Variants in DUSP22 observed in about 807,000 individuals in gnomAD.
DUSP22 encodes dual specificity protein phosphatase 22.
In DUSP22, 24 loss-of-function variants were observed where a neutral mutation model predicts 24.5. That is an observed-to-expected ratio of 0.98 (90% CI 0.71 to 1.38). The LOEUF (loss-of-function observed/expected upper bound fraction) is 1.38, where lower values mean the gene tolerates loss of function less well. Ranked by LOEUF, DUSP22 falls within the 40% of genes most tolerant of loss-of-function variation. DUSP22 has a pLI of 0.00. For missense variants in DUSP22, 330 were observed against 269.2 expected (o/e 1.23, Z -1.58); for synonymous variants, 160 against 106.4 (o/e 1.50, Z -3.10).
At chr6:323,793 G>A (rs1446633795) in intron 3 of DUSP22, among the ~76,000 whole-genome samples, 6 of 152,424 alleles carry the variant, frequency 3.9e-5, no homozygotes, top group Non-Finnish European at 5.9e-5. Flanking sequence ...TGCTGACCTG[G>A]GAGGAGGCAG....
chr6:317,450 C>T (rs993931640), intron 3 of DUSP22, among the ~76,000 whole-genome samples: 66 of 152,392 alleles, frequency 4.3e-4, no homozygotes, highest in Non-Finnish European at 8.1e-4. Flanking sequence ...TCCTCTCTTC[C>T]CACCCTCTCC....
At chr6:342,943 T>C (rs1454778241) in intron 4 of DUSP22, among the ~76,000 whole-genome samples, 1 of 152,308 alleles carries the variant, frequency 6.6e-6, no homozygotes, top group African/African-American at 2.4e-5. Context: ...CGCAGACGGC[T>C]AGTTGTGCTG....
intron 4 of DUSP22, among the ~76,000 whole-genome samples, chr6:338,722 T>A (rs1007335108): frequency 1.3e-5 from 2 of 152,298 alleles, no homozygotes; most frequent in African/African-American, 4.8e-5. Flanking sequence ...TTGCTCATTG[T>A]TTTAAACTTA....
At chr6:340,957 C>T (rs868312726) in intron 4 of DUSP22, among the ~76,000 whole-genome samples, 4 of 152,128 alleles carry the variant, frequency 2.6e-5, no homozygotes, top group African/African-American at 9.7e-5. Flanking sequence ...CTTAGACTCT[C>T]TGAAGGTCGG....
chr6:327,464 A>C (rs973125767), intron 3 of DUSP22, among the ~76,000 whole-genome samples: 3 of 152,310 alleles, frequency 2.0e-5, no homozygotes, highest in Admixed American at 2.0e-4. Flanking sequence ...CTGAAATGGC[A>C]TGTCCCTCCT....
chr6:292,579 C>G lies in DUSP22; in HGVS notation c.21+19C>G. 1 of 1,593,672 alleles carries G rather than the reference C, an allele frequency of 6.3e-7. No homozygotes were observed. The highest frequency in any genetic ancestry group is 2.4e-5 in the East Asian group (1 of 42,334). On this transcript the variant is annotated intron_variant, in intron 1 of 6. Transcript: ENST00000419235. ...GAACAAGGTAACGTCTTCCCTCGTT[C>G]GCGCTGGGTTTGCCTCCGCTCCGAC...
intron 4 of DUSP22, among the ~76,000 whole-genome samples, chr6:341,134 C>T (rs759681923): frequency 5.2e-5 from 8 of 152,404 alleles, no homozygotes; most frequent in Non-Finnish European, 8.8e-5. Context: ...CGGGCAGGAG[C>T]GGGCATGATA....
At chr6:304,475 G>T (rs971733060) in intron 1 of DUSP22, among the ~76,000 whole-genome samples, 153 bp from the exon 2 acceptor site, 1 of 152,308 alleles carries the variant, frequency 6.6e-6, no homozygotes. Flanking sequence ...AGGCCGCTGG[G>T]GATGTTGGGT....
At chr6:323,756 A>G (rs1758715898) in intron 3 of DUSP22, among the ~76,000 whole-genome samples, 1 of 152,312 alleles carries the variant, frequency 6.6e-6, no homozygotes, top group African/African-American at 2.4e-5. Context: ...ATTCCTAAGC[A>G]GAGGAGTTCA....
intron 3 of DUSP22, among the ~76,000 whole-genome samples, chr6:322,909 A>G (rs555558275): frequency 6.6e-6 from 1 of 152,398 alleles, no homozygotes; most frequent in Admixed American, 6.5e-5. Context: ...TAAGACCCAA[A>G]GCCGGGTTAA....
At chr6:314,647 G>C (rs1758261494) in intron 3 of DUSP22, among the ~76,000 whole-genome samples, 1 of 152,300 alleles carries the variant, frequency 6.6e-6, no homozygotes. Flanking sequence ...AAGGTTCACA[G>C]TTGTGTTGTC....
At chr6:312,756 A>G (rs1246933140) in intron 3 of DUSP22, among the ~76,000 whole-genome samples, 1 of 152,300 alleles carries the variant, frequency 6.6e-6, no homozygotes, top group African/African-American at 2.4e-5. Context: ...AGAGTAGGTA[A>G]TGTTTTTTAT....
chr6:305,350 C>T (rs953921677), intron 2 of DUSP22, among the ~76,000 whole-genome samples: 5 of 152,308 alleles, frequency 3.3e-5, no homozygotes, highest in Non-Finnish European at 5.9e-5. Context: ...CCTGTTGGAA[C>T]ATTATCATCA....
intron 1 of DUSP22, among the ~76,000 whole-genome samples, 158 bp from the exon 2 acceptor site, chr6:304,470 G>A (rs551794261): frequency 6.8e-4 from 103 of 152,366 alleles, no homozygotes; most frequent in East Asian, 1.3e-3. Context: ...TCCACAGGCC[G>A]CTGGGGATGT....
intron 3 of DUSP22, among the ~76,000 whole-genome samples, chr6:327,911 G>A (rs1264122422): frequency 6.6e-6 from 1 of 152,306 alleles, no homozygotes; most frequent in Non-Finnish European, 1.5e-5. Flanking sequence ...GAGAGATCAT[G>A]GATGTGAGGT....
rs933194711 is a variant in DUSP22 at position 311,716 on chromosome 6, A to G, written c.56-164A>G. ...AAAGAAATAAAGTTAGGCAAAATAT[A>G]TGAAAGCAGTAGCCCTAAGTTTCCT... On this transcript the variant is annotated intron_variant, in intron 2 of 6. Transcript: ENST00000419235. Among the ~76,000 whole-genome samples the G allele has an allele frequency of 2.0e-5, 3 of 152,266 alleles. No homozygotes were observed. In the East Asian group the frequency reaches 5.8e-4, roughly 29 times the overall value.
At chr6:303,288 A>G (rs1378478300) in intron 1 of DUSP22, among the ~76,000 whole-genome samples, 1 of 152,312 alleles carries the variant, frequency 6.6e-6, no homozygotes, top group Non-Finnish European at 1.5e-5. Context: ...GTCTCGGAGT[A>G]ATGATTAGCA....
chr6:342,461 G>A (rs1195638950), intron 4 of DUSP22, among the ~76,000 whole-genome samples: 1 of 152,312 alleles, frequency 6.6e-6, no homozygotes, highest in Non-Finnish European at 1.5e-5. Flanking sequence ...CTGTGCACTG[G>A]CCTGTCTACT....
At chr6:308,295 T>C (rs909468809) in intron 2 of DUSP22, among the ~76,000 whole-genome samples, 2 of 152,300 alleles carry the variant, frequency 1.3e-5, no homozygotes, top group African/African-American at 4.8e-5. Context: ...AAACTCCACC[T>C]TGAGCCTTAC....
Sources: gnomAD v4.1 joint callset for allele counts (sites outside exome capture counted in the v4.1 genomes callset) on GRCh38, gnomAD v4.1.1 for gene constraint, MANE v1.5 for transcripts, NCBI Gene and HGNC (gene_info 2026-07-23, HGNC 2026-07-21) for gene names.